CDK6: variants seen among roughly 807,000 people sequenced by gnomAD.
CDK6 encodes the protein cyclin-dependent kinase 6.
CDK6 carries 6 observed loss-of-function variants against 37.1 expected under a neutral mutation model. The observed-to-expected ratio is 0.16, with a 90% CI of 0.09 to 0.32. CDK6 has a LOEUF of 0.32. Among genes scored for constraint, CDK6 ranks in the 10% least tolerant of loss-of-function variants. The pLI is 1.00. For missense variants in CDK6, 224 were observed against 418.9 expected (o/e 0.53, Z 4.06); for synonymous variants, 160 against 161.3 (o/e 0.99, Z 0.06).
At chr7:92,736,636 A>G (rs1291538749) in intron 3 of CDK6, among the ~76,000 whole-genome samples, 1 of 152,188 alleles carries the variant, frequency 6.6e-6, no homozygotes, top group African/African-American at 2.4e-5. Context: ...GCAGGGTCCT[A>G]AAGAGGGCAC....
chr7:92,738,754 T>C (rs1415144452), intron 3 of CDK6, among the ~76,000 whole-genome samples: 3 of 152,220 alleles, frequency 2.0e-5, no homozygotes, highest in South Asian at 4.1e-4. Context: ...ATCCAAGTTT[T>C]TGCATTGCAA....
intron 2 of CDK6, among the ~76,000 whole-genome samples, chr7:92,816,971 C>T (rs959394281): frequency 2.0e-5 from 3 of 151,794 alleles, no homozygotes; most frequent in Admixed American, 6.6e-5. Context: ...ATAGACAAAT[C>T]CCTTGAAAAA....
intron 4 of CDK6, chr7:92,725,393 G>T: frequency 2.2e-6 from 2 of 890,296 alleles, no homozygotes; most frequent in African/African-American, 1.8e-5. Context: ...TGGCTAAGAT[G>T]CAACAGGCTA....
chr7:92,705,992 C>A (rs576428615), intron 4 of CDK6, among the ~76,000 whole-genome samples: 2 of 152,326 alleles, frequency 1.3e-5, no homozygotes, highest in African/African-American at 4.8e-5. Flanking sequence ...TCAGGAATTT[C>A]TTTTAACTTT....
chr7:92,671,751 T>A (rs1797075235), intron 4 of CDK6, among the ~76,000 whole-genome samples: 1 of 152,180 alleles, frequency 6.6e-6, no homozygotes, highest in African/African-American at 2.4e-5. Context: ...CCTCCAACTC[T>A]ATGTCTAACT....
At chr7:92,732,845 G>A (rs1019389045) in intron 3 of CDK6, among the ~76,000 whole-genome samples, 13 of 152,104 alleles carry the variant, frequency 8.5e-5, no homozygotes, top group African/African-American at 1.2e-4. Flanking sequence ...GAATGCTACC[G>A]AGCTGTAGCA....
intron 4 of CDK6, among the ~76,000 whole-genome samples, chr7:92,676,739 G>C (rs1289894117): frequency 6.6e-6 from 1 of 152,156 alleles, no homozygotes; most frequent in Non-Finnish European, 1.5e-5. Context: ...TCTCCCTAAA[G>C]AAAACTAGTA....
intron 2 of CDK6, among the ~76,000 whole-genome samples, chr7:92,811,443 C>CT (rs1352197863): frequency 3.9e-5 from 6 of 152,004 alleles, no homozygotes; most frequent in African/African-American, 1.4e-4. Flanking sequence ...CTTTCTTGGC[C>CT]TTTGACTCTC....
At chr7:92,689,170 G>T (rs922332705) in intron 4 of CDK6, among the ~76,000 whole-genome samples, 3 of 152,084 alleles carry the variant, frequency 2.0e-5, no homozygotes, top group African/African-American at 4.8e-5. Flanking sequence ...CGTCACAGGG[G>T]TTCATTGTAC....
At chr7:92,788,558 C>T (rs541099748) in intron 2 of CDK6, among the ~76,000 whole-genome samples, 2 of 152,180 alleles carry the variant, frequency 1.3e-5, no homozygotes, top group Non-Finnish European at 2.9e-5. Context: ...ATGGTCATTA[C>T]TGTTACCATT....
At chr7:92,712,223 A>T (rs929597021) in intron 4 of CDK6, among the ~76,000 whole-genome samples, 1 of 152,014 alleles carries the variant, frequency 6.6e-6, no homozygotes, top group African/African-American at 2.4e-5. Context: ...AATGCTACAA[A>T]GGGAATGTGG....
intron 4 of CDK6, among the ~76,000 whole-genome samples, chr7:92,713,620 T>C (rs1798152595): frequency 6.7e-6 from 1 of 150,124 alleles, no homozygotes; most frequent in African/African-American, 2.5e-5. Flanking sequence ...AAATATAACT[T>C]TAAATACCAA....
chr7:92,672,208 C>T (rs886992824), intron 4 of CDK6, among the ~76,000 whole-genome samples: 8 of 132,180 alleles, frequency 6.1e-5, no homozygotes, highest in African/African-American at 2.5e-4. Context: ...CACACACACA[C>T]ACACACACAC....
At chr7:92,753,496 T>C (rs938871977) in intron 3 of CDK6, among the ~76,000 whole-genome samples, 3 of 152,180 alleles carry the variant, frequency 2.0e-5, no homozygotes, top group Non-Finnish European at 2.9e-5. Context: ...TTATCTTATT[T>C]ATTTATTTAT....
At chr7:92,640,098 G>A (rs900396144) in intron 5 of CDK6, among the ~76,000 whole-genome samples, 3 of 152,178 alleles carry the variant, frequency 2.0e-5, no homozygotes, top group Non-Finnish European at 2.9e-5. Context: ...CTGAAGTCAG[G>A]AGGGAAGGGT....
chr7:92,690,508 T>G (rs1797577049), intron 4 of CDK6, among the ~76,000 whole-genome samples: 1 of 152,206 alleles, frequency 6.6e-6, no homozygotes, highest in South Asian at 2.1e-4. Flanking sequence ...GCCATGATGT[T>G]TTGGTTACCG....
Position 92,708,368 on chromosome 7 carries a change from C to A in CDK6, c.537+17258G>T, listed in dbSNP as rs1007796084. On this transcript the variant is annotated intron_variant, in intron 4 of 7. Transcript: ENST00000424848. Reference sequence around the variant, plus strand: ...TATTTGGTGAGCATAATCTATGTGACGCCCGTTTCTTCCCTCAAGGTGCTT... The same window carrying A: ...TATTTGGTGAGCATAATCTATGTGAAGCCCGTTTCTTCCCTCAAGGTGCTT... 2.0e-5 allele frequency among the ~76,000 whole-genome samples: 3 copies of A among 152,262 alleles called. No homozygotes were observed. In the East Asian group the frequency reaches 5.8e-4, roughly 29 times the overall value.
chr7:92,814,470 C>T (rs895987936), intron 2 of CDK6, among the ~76,000 whole-genome samples: 2 of 150,498 alleles, frequency 1.3e-5, no homozygotes, highest in Middle Eastern at 6.8e-3. Context: ...TTAAGAACTG[C>T]TGCATAACAA....
intron 5 of CDK6, among the ~76,000 whole-genome samples, chr7:92,666,189 C>T (rs1267218700): frequency 1.3e-5 from 2 of 152,202 alleles, no homozygotes; most frequent in African/African-American, 4.8e-5. Flanking sequence ...CAACTGCTGG[C>T]CTTCCACTGA....
Sources: allele counts gnomAD v4.1 joint callset (sites outside exome capture counted in the v4.1 genomes callset), GRCh38; gene constraint gnomAD v4.1.1; transcripts MANE v1.5; gene names NCBI Gene and HGNC (gene_info 2026-07-23, HGNC 2026-07-21).